The following STAT4 variants were observed in gnomAD, a reference collection of about 807,000 sequenced individuals.
STAT4 encodes the protein signal transducer and activator of transcription 4.
STAT4 carries 42 observed loss-of-function variants against 110.5 expected under a neutral mutation model. The observed-to-expected ratio is 0.38, with a 90% CI of 0.30 to 0.49. The LOEUF is 0.49. STAT4 is among the 20% of genes least tolerant of loss of function. The pLI, the probability that STAT4 is intolerant of heterozygous loss-of-function variation, is 0.95. For synonymous variants in STAT4, 284 were observed against 302.2 expected (o/e 0.94, Z 0.63); for missense variants, 632 against 887.9 (o/e 0.71, Z 3.66).
At chr2:191,151,471 G>A (rs1699588883), upstream of STAT4, 1 of 985,436 alleles carries the variant, frequency 1.0e-6, no homozygotes, top group Non-Finnish European at 1.2e-6. The surrounding 1 kb of genome is among the most constrained non-coding windows in gnomAD (Gnocchi z 4.7). Context: ...TCCAATTCCA[G>A]CGGGGTCCGC....
chr2:191,045,293 G>A (rs1016061340), intron 14 of STAT4, among the ~76,000 whole-genome samples: 4 of 152,130 alleles, frequency 2.6e-5, no homozygotes, highest in Admixed American at 6.5e-5. Flanking sequence ...TATTGCCATC[G>A]CCTAAAAGTT....
Position 191,036,188 on chromosome 2 carries a change from G to C in STAT4, c.1546C>G (p.His516Asp). 1.2e-6 allele frequency: 2 copies of C among 1,614,094 alleles called. No individual in the cohort carries two copies. The highest frequency in any genetic ancestry group is 1.7e-6 in the Non-Finnish European group (2 of 1,180,006). The change falls in exon 17 of 24, where the codon CAT becomes GAT. Residue 516 changes from histidine (H) to aspartate (D), a missense_variant. His to Asp is a moderately conservative substitution (Grantham distance 81). Coordinates refer to ENST00000392320, the MANE Select transcript of STAT4 (RefSeq NM_003151.4). ...CCTGTAAGCTTCTCTGCCAGCATAT[G>C]GAGTTGATCTGAGTTAAGACCACGA... ...VGRGLNSDQL[H>D]MLAEKLTVQS... is the part of the protein sequence containing the mutation.
chr2:191,031,909 T>C lies in STAT4; in HGVS notation c.2045-393A>G, dbSNP rs999058299. 1.3e-5 allele frequency among the ~76,000 whole-genome samples: 2 copies of C among 152,240 alleles called. No homozygotes were observed. The highest frequency in any genetic ancestry group is 2.1e-4 in the South Asian group (1 of 4,834). On this transcript the variant is annotated intron_variant, in intron 21 of 23. Transcript: ENST00000392320. The surrounding 1 kb of genome is among the most constrained non-coding windows in gnomAD (Gnocchi z 4.8). ...AAAATTGACACCAATCAGAATCTTA[T>C]GATTGCAAACGTTCTTGAAGTACAG... is the stretch of plus-strand genomic sequence containing the variant.
intron 13 of STAT4, among the ~76,000 whole-genome samples, chr2:191,057,774 A>G (rs887466755): frequency 7.3e-5 from 11 of 150,924 alleles, no homozygotes; most frequent in African/African-American, 9.7e-5. Context: ...AATTTTTTGT[A>G]TTTTTAGTAT....
At position 191,083,615 on chromosome 2, in the gene STAT4, C is replaced by T. The variant is rs1344573909; in HGVS notation, c.274-7290G>A. ...TATCTCTGGGATATGAAGCATTTGT[C>T]TCCATTTACAGAGTAAAATATTTTC... On this transcript the variant is annotated intron_variant, in intron 3 of 23. Transcript: ENST00000392320. This position sits in a 1 kb window ranked among gnomAD's most constrained non-coding sequence, Gnocchi z 4.6. Among the ~76,000 whole-genome samples the T allele has an allele frequency of 1.3e-5, 2 of 152,262 alleles. No homozygotes were observed. The highest frequency in any genetic ancestry group is 3.9e-4 in the East Asian group (2 of 5,172).
intron 3 of STAT4, among the ~76,000 whole-genome samples, chr2:191,092,187 C>T (rs1040841881): frequency 2.0e-5 from 3 of 152,018 alleles, no homozygotes; most frequent in African/African-American, 2.4e-5. Context: ...GGGCAGATCA[C>T]GAGGTTGGGA....
Position 191,039,121 on chromosome 2 carries a change from G to T in STAT4, c.1434+78C>A. On this transcript the variant is annotated intron_variant, in intron 16 of 23. Transcript: ENST00000392320. The surrounding 1 kb of genome is among the most constrained non-coding windows in gnomAD (Gnocchi z 4.7). Reference sequence around the variant, plus strand: ...CCCCACACCCCACTGGCACACACATGTTTTGATGCAGATGTGTTTGTTGGC... The same window carrying T: ...CCCCACACCCCACTGGCACACACATTTTTTGATGCAGATGTGTTTGTTGGC... The T allele has an allele frequency of 7.6e-7, 1 of 1,317,054 alleles. No homozygotes were observed. The highest frequency in any genetic ancestry group is 1.1e-6 in the Non-Finnish European group (1 of 910,626). 81.6% of individuals were successfully genotyped at this position (1,317,054 alleles called of 1,614,324 possible). A position where few individuals can be genotyped will look rare whatever the true frequency, so the allele number is the denominator to read the frequency against.
At chr2:191,048,918 C>T (rs992837342) in intron 14 of STAT4, among the ~76,000 whole-genome samples, 2 of 148,762 alleles carry the variant, frequency 1.3e-5, no homozygotes, top group Admixed American at 6.7e-5. Context: ...TATGGTACAT[C>T]ACATTATATG....
chr2:191,066,207 T>C lies in STAT4; in HGVS notation c.630+223A>G, dbSNP rs574839598. On this transcript the variant is annotated intron_variant, in intron 7 of 23. Coordinates refer to ENST00000392320, the MANE Select transcript of STAT4 (RefSeq NM_003151.4). This position sits in a 1 kb window ranked among gnomAD's most constrained non-coding sequence, Gnocchi z 4.3. ...TGAAATTAATGTTAGCTACAGTAAA[T>C]GTATCACATAAGCAAGATAAATAGG... Among the ~76,000 whole-genome samples the C allele has an allele frequency of 3.9e-4, 59 of 152,220 alleles. No individual in the cohort carries two copies. The highest frequency in any genetic ancestry group is 1.4e-3 in the African/African-American group (57 of 41,538).
At chr2:191,131,699 G>C (rs754022183) in intron 3 of STAT4, 2 of 1,131,530 alleles carry the variant, frequency 1.8e-6, no homozygotes, top group Non-Finnish European at 2.3e-6. Flanking sequence ...GTCAACAACA[G>C]TTTGCAAAAG....
At chr2:191,151,253 A>C (rs1054360848), upstream of STAT4, 17 of 985,492 alleles carry the variant, frequency 1.7e-5, no homozygotes, top group African/African-American at 3.0e-4. This position sits in a 1 kb window ranked among gnomAD's most constrained non-coding sequence, Gnocchi z 4.7. Flanking sequence ...CAGCAGTGCC[A>C]GGAAAAAGGG....
intron 3 of STAT4, among the ~76,000 whole-genome samples, chr2:191,093,664 A>G (rs1180146981): frequency 1.3e-5 from 2 of 152,236 alleles, no homozygotes; most frequent in Non-Finnish European, 2.9e-5. Flanking sequence ...AATTCTAAAA[A>G]TCAGAGTGCC....
chr2:191,133,694 T>C (rs2125424691), intron 3 of STAT4, among the ~76,000 whole-genome samples: 1 of 151,790 alleles, frequency 6.6e-6, no homozygotes, highest in East Asian at 1.9e-4. Flanking sequence ...TCATTCTATC[T>C]GAGGGAGAAA....
In STAT4 at chr2:191,048,551, G is replaced by A. The variant is rs566602157; in HGVS notation, c.1251+5939C>T. Among the ~76,000 whole-genome samples the A allele has an allele frequency of 1.8e-4, 28 of 151,694 alleles. 1 individual carries two copies. In the South Asian group the frequency reaches 5.8e-3, roughly 32 times the overall value. ...AGCACTTTGGGAGGTTGAGGTGGGT[G>A]GATCATCTGAGGTCAGGAGTTCAAG... On this transcript the variant is annotated intron_variant, in intron 14 of 23. Transcript: ENST00000392320.
rs373921127 is a variant in STAT4 at position 191,059,054 on chromosome 2, GA to G, written c.1035-286del. Among the ~76,000 whole-genome samples the G allele has an allele frequency of 6.6e-4, 96 of 146,458 alleles. 1 individual carries two copies. The highest frequency in any genetic ancestry group is 1.1e-3 in the Non-Finnish European group (75 of 66,140). On this transcript the variant is annotated intron_variant, in intron 10 of 23. Transcript: ENST00000392320. The surrounding 1 kb of genome is among the most constrained non-coding windows in gnomAD (Gnocchi z 4.7). ...GCTGGATAATACGTTGGCCAGGTCA[GA>G]AAAAAAAAAGCTATATATTTTGGCT...
chr2:191,072,457 T>C (rs1307204521), intron 5 of STAT4, among the ~76,000 whole-genome samples: 1 of 152,218 alleles, frequency 6.6e-6, no homozygotes, highest in Non-Finnish European at 1.5e-5. Context: ...ATCAGAAGTC[T>C]GAAAATAAAT....
At chr2:191,092,850 G>A (rs1697840647) in intron 3 of STAT4, among the ~76,000 whole-genome samples, 1 of 152,098 alleles carries the variant, frequency 6.6e-6, no homozygotes, top group African/African-American at 2.4e-5. Flanking sequence ...CCCAAATACT[G>A]CACTTTTCCA....
In STAT4 at chr2:191,034,584, G is replaced by A. The variant is rs768445696; in HGVS notation, c.1584C>T (p.Tyr528=). 5.1e-5 allele frequency: 82 copies of A among 1,613,028 alleles called. No homozygotes were observed. The highest frequency in any genetic ancestry group is 7.0e-5 in the Non-Finnish European group (82 of 1,179,160). ...TGGCCCAGGTGAGGTGACCATCACT[G>A]TAGCTAGATTGGACTGAAATGAAAG... ...LAEKLTVQSS[Y]SDGHLTWAKF... Residue 528 remains tyrosine (Y), a synonymous_variant, in exon 18 of 24, where the codon TAC becomes TAT. Transcript: ENST00000392320.
intron 6 of STAT4, chr2:191,067,987 A>G (rs1697042706): frequency 6.6e-6 from 1 of 152,154 alleles, no homozygotes; most frequent in African/African-American, 2.4e-5. Context: ...CAAATTCACT[A>G]ACTCCTAGAT....
Sources: gnomAD v4.1 joint callset for allele counts (sites outside exome capture counted in the v4.1 genomes callset) on GRCh38, gnomAD v4.1.1 for gene constraint, Gnocchi (gnomAD v3.1) non-coding constraint, MANE v1.5 for transcripts, NCBI Gene and HGNC (gene_info 2026-07-23, HGNC 2026-07-21) for gene names.